The following NUMB variants were observed in gnomAD, a reference collection of about 807,000 sequenced individuals.
NUMB encodes protein numb homolog.
Under a neutral mutation model 59.7 loss-of-function variants are expected in NUMB, and 29 were observed. That is an observed-to-expected ratio of 0.49 (90% CI 0.36 to 0.66). NUMB has a LOEUF of 0.66. Ranked by LOEUF, NUMB falls within the 30% of genes least tolerant of loss-of-function variation. NUMB has a pLI of 0.00. For missense variants in NUMB, 723 were observed against 822.0 expected (o/e 0.88, Z 1.47); for synonymous variants, 288 against 288.2 (o/e 1.00, Z 0.01).
At chr14:73,440,200 TATATATATGGATATCC>T (rs1279292141) in intron 1 of NUMB, among the ~76,000 whole-genome samples, 3 of 34,916 alleles carry the variant, frequency 8.6e-5, no homozygotes, top group Non-Finnish European at 1.7e-4. Flanking sequence ...GATATCCATA[TATATATATGGATATCC>T]ATATATATAT....
intron 6 of NUMB, among the ~76,000 whole-genome samples, chr14:73,305,822 G>A (rs550553706): frequency 7.9e-5 from 12 of 151,554 alleles, no homozygotes; most frequent in Non-Finnish European, 1.8e-4. Context: ...CAGTCTTTCC[G>A]TCACATCTAC....
At position 73,440,141 on chromosome 14, in the gene NUMB, A is replaced by G. The variant is rs189060376; in HGVS notation, c.-233+18352T>C. The stretch of plus-strand genomic sequence containing the variant: ...AAAATTTTATTAAACTTTGTAACAA[A>G]CCAATAAACAAAAAGTAATGGTCTC... On this transcript the variant is annotated intron_variant, in intron 1 of 12. Transcript: ENST00000555238. Among the ~76,000 whole-genome samples the G allele has an allele frequency of 2.1e-3, 313 of 152,048 alleles. 3 individuals are homozygous for G. Among genetic ancestry groups the G allele is most frequent in the African/African-American group, 6.7e-3 (278 of 41,480 alleles).
Position 73,454,706 on chromosome 14 carries a change from C to T in NUMB, c.-233+3787G>A, listed in dbSNP as rs74794439. Among the ~76,000 whole-genome samples, 1,038 of 152,264 alleles carry T rather than the reference C, an allele frequency of 6.8e-3. 5 individuals are homozygous for T. The highest frequency in any genetic ancestry group is 0.03 in the South Asian group (144 of 4,828). Reference sequence around the variant, plus strand: ...TTAAAAACCACCATTTATTCAACTACAGACAACCAAATCCCACTGTAAAAT... The same window carrying T: ...TTAAAAACCACCATTTATTCAACTATAGACAACCAAATCCCACTGTAAAAT... On this transcript the variant is annotated intron_variant, in intron 1 of 12. Coordinates refer to ENST00000555238, the MANE Select transcript of NUMB (RefSeq NM_001005743.2).
chr14:73,352,977 CA>C (rs1267943435), intron 4 of NUMB, among the ~76,000 whole-genome samples: 2 of 145,250 alleles, frequency 1.4e-5, no homozygotes, highest in Admixed American at 7.1e-5. Flanking sequence ...GACAGATGTT[CA>C]AAAAATATTT....
intron 1 of NUMB, among the ~76,000 whole-genome samples, chr14:73,438,584 T>C (rs1882793255): frequency 6.7e-6 from 1 of 149,180 alleles, no homozygotes; most frequent in Non-Finnish European, 1.5e-5. Context: ...TGAGCCGAGA[T>C]TGCGACACTG....
Position 73,276,657 on chromosome 14 carries a change from T to C in NUMB, c.1877A>G (p.Lys626Arg), listed in dbSNP as rs755532608. 1.9e-6 allele frequency: 3 copies of C among 1,614,130 alleles called. No homozygotes were observed. The African/African-American group carries it at 4.0e-5, about 22-fold the overall frequency. ...GGAGGGATTAGTACGCTGCTTGGAC[T>C]TATTTTCTAATGCAGCCCACTGGGC... ...FEAQWAALENKSKQRTNPSPT... is the reference protein window; with the variant it reads ...FEAQWAALENRSKQRTNPSPT... Residue 626 changes from lysine (K) to arginine (R), a missense_variant, in exon 13 of 13, where the codon AAG (lysine) becomes AGG (arginine). This residue lies in a region of NUMB where 406 missense variants were observed against 385.4 expected (regional missense o/e 1.05). Coordinates refer to ENST00000555238, the MANE Select transcript of NUMB (RefSeq NM_001005743.2).
chr14:73,444,868 A>AG (rs1318019356), intron 1 of NUMB, among the ~76,000 whole-genome samples: 1 of 151,724 alleles, frequency 6.6e-6, no homozygotes, highest in Non-Finnish European at 1.5e-5. Flanking sequence ...AAAAAAAAAA[A>AG]AAAGAAAGTA....
chr14:73,441,604 C>A (rs1883075539), intron 1 of NUMB, among the ~76,000 whole-genome samples: 2 of 152,022 alleles, frequency 1.3e-5, no homozygotes, highest in South Asian at 4.1e-4. Flanking sequence ...TCAGCCTGAG[C>A]TGTGACTCAC....
At chr14:73,419,458 G>C (rs1897269089) in intron 1 of NUMB, among the ~76,000 whole-genome samples, 1 of 152,132 alleles carries the variant, frequency 6.6e-6, no homozygotes, top group Non-Finnish European at 1.5e-5. Context: ...GCAGTGAGCT[G>C]AGATTGCGCC....
At chr14:73,307,045 C>A (rs1345253013) in intron 6 of NUMB, among the ~76,000 whole-genome samples, 8 of 152,160 alleles carry the variant, frequency 5.3e-5, no homozygotes, top group Admixed American at 4.6e-4. Context: ...CGTGGTGGCT[C>A]ACCCCTATAA....
intron 2 of NUMB, among the ~76,000 whole-genome samples, chr14:73,390,565 T>C (rs1329068647): frequency 6.6e-6 from 1 of 150,974 alleles, no homozygotes; most frequent in African/African-American, 2.4e-5. Flanking sequence ...ACTCTTGAGA[T>C]ACCTTTGTTA....
At chr14:73,354,743 G>A (rs1426702653) in intron 4 of NUMB, among the ~76,000 whole-genome samples, 26 of 148,896 alleles carry the variant, frequency 1.7e-4, no homozygotes, top group African/African-American at 6.0e-4. Flanking sequence ...CAAGAGAATC[G>A]CTTGAACCCA....
chr14:73,350,161 G>A (rs1893159736), intron 4 of NUMB, among the ~76,000 whole-genome samples: 1 of 147,136 alleles, frequency 6.8e-6, no homozygotes, highest in African/African-American at 2.5e-5. Context: ...AGGGCAATAT[G>A]AAACTAGGTG....
chr14:73,398,415 A>AGAGAGTGT lies in NUMB; in HGVS notation c.-101+11521_-101+11522insACACTCTC, dbSNP rs1438462148. On this transcript the variant is annotated intron_variant, in intron 2 of 12. Transcript: ENST00000555238. Reference sequence around the variant, plus strand: ...CACAGAGAGAGAGAGAGAGAGAGAGAGTGTGTGTGTGTGTGTGTGTGTGTG... The same window carrying AGAGAGTGT: ...CACAGAGAGAGAGAGAGAGAGAGAGAGAGAGTGTGTGTGTGTGTGTGTGTGTGTGTGTG... Among the ~76,000 whole-genome samples the AGAGAGTGT allele has an allele frequency of 3.9e-3, 463 of 118,856 alleles. 4 individuals are homozygous for AGAGAGTGT. Among genetic ancestry groups the AGAGAGTGT allele is most frequent in the African/African-American group, 0.013 (387 of 30,162 alleles). The allele number at this position is 118,856 out of a possible 152,430, so 78.0% of individuals were successfully genotyped here.
At chr14:73,370,692 C>CA (rs1894628213) in intron 2 of NUMB, among the ~76,000 whole-genome samples, 2 of 143,798 alleles carry the variant, frequency 1.4e-5, no homozygotes, top group Non-Finnish European at 3.0e-5. Flanking sequence ...AACTCCGCCT[C>CA]AAAAAGAAAA....
intron 4 of NUMB, among the ~76,000 whole-genome samples, chr14:73,343,305 T>C (rs1369874365): frequency 6.6e-6 from 1 of 152,150 alleles, no homozygotes; most frequent in Admixed American, 6.6e-5. Flanking sequence ...AGTAGTAGAG[T>C]TCTTGTAATG....
Position 73,357,754 on chromosome 14 carries a change from C to T in NUMB, c.-15-1988G>A, listed in dbSNP as rs143386954. ...CTCCAGCCTGGGCAACAGAGCGAGACTGTCTCAAAAAGAAATTAAGTAAAT... is the reference window on the plus strand; with the variant it reads ...CTCCAGCCTGGGCAACAGAGCGAGATTGTCTCAAAAAGAAATTAAGTAAAT... On this transcript the variant is annotated intron_variant, in intron 3 of 12. Transcript: ENST00000555238. Among the ~76,000 whole-genome samples the T allele has an allele frequency of 5.4e-3, 828 of 152,056 alleles. 16 individuals are homozygous for T. The highest frequency in any genetic ancestry group is 0.019 in the African/African-American group (795 of 41,508).
chr14:73,278,918 G>C (rs915898711), intron 12 of NUMB, among the ~76,000 whole-genome samples: 25 of 151,908 alleles, frequency 1.6e-4, no homozygotes. Flanking sequence ...AGTAGAGATG[G>C]TTTCACCATG....
intron 1 of NUMB, among the ~76,000 whole-genome samples, chr14:73,429,304 G>A (rs143410448): frequency 5.7e-4 from 87 of 151,868 alleles, no homozygotes; most frequent in Non-Finnish European, 1.2e-3. Context: ...CCCAGGAGGC[G>A]GAGTCTGCAG....
Sources: allele counts gnomAD v4.1 joint callset (sites outside exome capture counted in the v4.1 genomes callset), GRCh38; gene constraint gnomAD v4.1.1; regional missense constraint gnomAD v4.1.1; transcripts MANE v1.5; gene names NCBI Gene and HGNC (gene_info 2026-07-23, HGNC 2026-07-21).